Variants in NINL observed in about 807,000 individuals in gnomAD.
The protein encoded by NINL is ninein like.
Under a neutral mutation model 160.3 loss-of-function variants are expected in NINL, and 153 were observed. The observed-to-expected ratio is 0.95, with a 90% confidence interval of 0.84 to 1.09. The LOEUF (loss-of-function observed/expected upper bound fraction) is 1.09, where lower values mean the gene tolerates loss of function less well. Ranked by LOEUF, NINL falls within the 50% of genes least tolerant of loss-of-function variation. The pLI is 0.00. For synonymous variants in NINL, 800 were observed against 734.8 expected (o/e 1.09, Z -1.43); for missense variants, 1,829 against 1,764.0 (o/e 1.04, Z -0.66).
chr20:25,513,389 A>G (rs1420994214), intron 3 of NINL, among the ~76,000 whole-genome samples: 1 of 152,262 alleles, frequency 6.6e-6, no homozygotes, highest in Non-Finnish European at 1.5e-5. Context: ...GACTCTCAGT[A>G]TACTGAGTGA....
chr20:25,491,312 A>G (rs1568904124), intron 11 of NINL, 39 bp downstream of exon 11: 1 of 1,571,630 alleles, frequency 6.4e-7, no homozygotes, highest in Non-Finnish European at 8.6e-7. Flanking sequence ...ATGCTCAGGC[A>G]CCCCCCCAGC....
intron 13 of NINL, among the ~76,000 whole-genome samples, chr20:25,482,942 T>G (rs1440665102): frequency 6.6e-6 from 1 of 150,936 alleles, no homozygotes; most frequent in Non-Finnish European, 1.5e-5. Flanking sequence ...GAGAGTCGCT[T>G]GAACCCAGGA....
At chr20:25,568,497 C>T (rs568485334) in intron 1 of NINL, among the ~76,000 whole-genome samples, 18 of 151,928 alleles carry the variant, frequency 1.2e-4, no homozygotes, top group Non-Finnish European at 2.4e-4. Flanking sequence ...CAGCCTCAAC[C>T]TCCTCCGCTC....
chr20:25,526,297 T>C (rs2064356469), intron 2 of NINL, 111 bp downstream of exon 2: 1 of 986,466 alleles, frequency 1.0e-6, no homozygotes, highest in Non-Finnish European at 1.5e-6. Flanking sequence ...CATTTGCTAA[T>C]AACTTTCCTT....
chr20:25,545,269 AAGG>A (rs1423464847), intron 1 of NINL, among the ~76,000 whole-genome samples: 2 of 152,170 alleles, frequency 1.3e-5, no homozygotes, highest in African/African-American at 2.4e-5. Context: ...GTAGGGACTA[AAGG>A]AGGAGTCAGT....
chr20:25,525,987 T>C (rs2064351292), intron 2 of NINL, among the ~76,000 whole-genome samples: 1 of 152,210 alleles, frequency 6.6e-6, no homozygotes, highest in Non-Finnish European at 1.5e-5. Context: ...GTCCAACTCC[T>C]AGATGGACTT....
intron 2 of NINL, among the ~76,000 whole-genome samples, 178 bp from the exon 3 acceptor site, chr20:25,518,027 GA>G (rs1310448139): frequency 2.0e-5 from 3 of 152,200 alleles, no homozygotes; most frequent in African/African-American, 7.2e-5. Context: ...GCATGATAAG[GA>G]AAGTAGAAGT....
At chr20:25,500,301 C>T (rs929152731) in intron 8 of NINL, among the ~76,000 whole-genome samples, 1 of 152,220 alleles carries the variant, frequency 6.6e-6, no homozygotes, top group Admixed American at 6.5e-5. Flanking sequence ...ATGCAAGGAC[C>T]ACATCTTCCC....
intron 14 of NINL, among the ~76,000 whole-genome samples, chr20:25,481,505 C>T (rs2063387626): frequency 6.6e-6 from 1 of 152,152 alleles, no homozygotes; most frequent in African/African-American, 2.4e-5. Context: ...CAGGTGGGGC[C>T]GCTCCCTTAG....
intron 1 of NINL, among the ~76,000 whole-genome samples, chr20:25,581,223 C>A (rs912319556): frequency 6.6e-6 from 1 of 152,188 alleles, no homozygotes; most frequent in Non-Finnish European, 1.5e-5. Context: ...GCAGGTGGAT[C>A]ATTTGAGGTC....
At chr20:25,475,984 GGTTA>G in intron 17 of NINL, 55 bp downstream of exon 17, 1 of 1,536,698 alleles carries the variant, frequency 6.5e-7, no homozygotes, top group Non-Finnish European at 8.9e-7. Context: ...GGGGTCAGTG[GGTTA>G]GTTCTGCATT....
chr20:25,523,418 C>T (rs1281404927), intron 2 of NINL, among the ~76,000 whole-genome samples: 2 of 151,842 alleles, frequency 1.3e-5, no homozygotes, highest in African/African-American at 2.4e-5. Context: ...CATCCAGCTA[C>T]CTTTAAGATT....
chr20:25,563,110 G>A (rs936195826), intron 1 of NINL, among the ~76,000 whole-genome samples: 7 of 152,196 alleles, frequency 4.6e-5, no homozygotes, highest in Non-Finnish European at 7.3e-5. Flanking sequence ...AGCTTGGAGT[G>A]AGCCAAGATG....
chr20:25,534,049 T>C (rs772030820), intron 1 of NINL, among the ~76,000 whole-genome samples: 11 of 152,138 alleles, frequency 7.2e-5, no homozygotes, highest in Non-Finnish European at 1.3e-4. Context: ...AAAAGAAAAG[T>C]AGGTAAACTC....
At chr20:25,561,038 C>CTCTCCCTCTCCTTCTCTTTCCACGG (rs1179671149) in intron 1 of NINL, among the ~76,000 whole-genome samples, 852 of 49,006 alleles carry the variant, frequency 0.017, 24 homozygotes, top group African/African-American at 0.062. Flanking sequence ...CTCTCCCCTC[C>CTCTCCCTCTCCTTCTCTTTCCACGG]TCTCCCTCTC....
chr20:25,536,547 CAAAAATACA>C (rs2064559298), intron 1 of NINL, among the ~76,000 whole-genome samples: 3 of 152,194 alleles, frequency 2.0e-5, no homozygotes, highest in Admixed American at 1.3e-4. Context: ...CCTGTCTCTA[CAAAAATACA>C]AAAAATACAA....
rs1254418519 is a variant in NINL at position 25,472,202 on chromosome 20, A to T, written c.3249-2107T>A. Among the ~76,000 whole-genome samples, 4 of 151,778 alleles carry T rather than the reference A, an allele frequency of 2.6e-5. No individual in the cohort carries two copies. The East Asian group carries it at 7.7e-4, about 29-fold the overall frequency. Reference sequence around the variant, plus strand: ...AGATACTGACCTGGAACACATAGGTATGTAAAAAATACCCCAAATGTGATA... The same window carrying T: ...AGATACTGACCTGGAACACATAGGTTTGTAAAAAATACCCCAAATGTGATA... On this transcript the variant is annotated intron_variant, in intron 17 of 23. Coordinates refer to ENST00000278886, the MANE Select transcript of NINL (RefSeq NM_025176.6).
At chr20:25,468,615 A>G (rs1601024377) in intron 18 of NINL, among the ~76,000 whole-genome samples, 1 of 86,036 alleles carries the variant, frequency 1.2e-5, no homozygotes, top group African/African-American at 4.8e-5. Context: ...CTGTCCCCTG[A>G]CTCTCACTGG....
chr20:25,514,085 C>T (rs1037262316), intron 3 of NINL, among the ~76,000 whole-genome samples: 3 of 152,126 alleles, frequency 2.0e-5, no homozygotes, highest in Non-Finnish European at 2.9e-5. Flanking sequence ...GACAGAAAGA[C>T]GTGGGAAAGT....
Sources: allele counts gnomAD v4.1 joint callset (sites outside exome capture counted in the v4.1 genomes callset), GRCh38; gene constraint gnomAD v4.1.1; transcripts MANE v1.5; gene names NCBI Gene and HGNC (gene_info 2026-07-23, HGNC 2026-07-21).